The following ZNF148 variants were observed in gnomAD, a reference collection of about 807,000 sequenced individuals.
ZNF148 encodes the protein zinc finger protein 148.
ZNF148 carries 7 observed loss-of-function variants against 67.7 expected under a neutral mutation model. The ratio of observed to expected loss-of-function variants is 0.10; its 90% CI spans 0.06 to 0.19. The LOEUF (loss-of-function observed/expected upper bound fraction) is 0.19. Ranked by LOEUF, ZNF148 falls within the 10% of genes least tolerant of loss-of-function variation. ZNF148 has a pLI of 1.00. For missense variants in ZNF148, 583 were observed against 947.1 expected (o/e 0.62, Z 5.05); for synonymous variants, 333 against 330.7 (o/e 1.01, Z -0.08).
chr3:125,374,723 G>A (rs1042661916), intron 1 of ZNF148, among the ~76,000 whole-genome samples: 7 of 152,036 alleles, frequency 4.6e-5, no homozygotes, highest in African/African-American at 1.7e-4. Flanking sequence ...ACCAGGCACG[G>A]TGGACAGAGC....
At chr3:125,328,306 C>T (rs913121331) in intron 2 of ZNF148, among the ~76,000 whole-genome samples, 1 of 151,972 alleles carries the variant, frequency 6.6e-6, no homozygotes, top group Admixed American at 6.6e-5. Flanking sequence ...GATGAGATTA[C>T]TATATTCAAC....
At chr3:125,311,954 T>C (rs1485556338) in intron 4 of ZNF148, among the ~76,000 whole-genome samples, 1 of 152,134 alleles carries the variant, frequency 6.6e-6, no homozygotes, top group Non-Finnish European at 1.5e-5. Flanking sequence ...CAACAATAAC[T>C]TTCCAAAACA....
Position 125,225,670 on chromosome 3 carries a change from TCAA to T in ZNF148, c.*6668_*6670del, listed in dbSNP as rs1159854730. On this transcript the variant is annotated 3_prime_UTR_variant, in exon 9 of 9. Transcript: ENST00000360647. ...TAAGACTCAATGACAACACATTAAT[TCAA>T]GTGACTTCAATTTTTTATTTTTTCT... is the stretch of plus-strand genomic sequence containing the variant. The T allele has an allele frequency of 6.6e-6, 1 of 152,208 alleles. No homozygotes were observed. The highest frequency in any genetic ancestry group is 1.5e-5 in the Non-Finnish European group (1 of 68,046). The allele number at this position is 152,208 out of a possible 1,614,324, so 9.4% of individuals were successfully genotyped here.
At chr3:125,234,010 A>G in intron 8 of ZNF148, 71 bp from the exon 9 acceptor site, 3 of 1,497,038 alleles carry the variant, frequency 2.0e-6, no homozygotes, top group Non-Finnish European at 2.7e-6. Context: ...AAGTGAAACA[A>G]AACAATTAAT....
chr3:125,268,237 C>CAAAAAA, intron 7 of ZNF148, among the ~76,000 whole-genome samples: 2 of 136,646 alleles, frequency 1.5e-5, no homozygotes, highest in African/African-American at 5.4e-5. Flanking sequence ...TATATAGAAC[C>CAAAAAA]AAAAAAAAAA....
At chr3:125,349,706 T>C (rs1017674054) in intron 1 of ZNF148, among the ~76,000 whole-genome samples, 1 of 152,226 alleles carries the variant, frequency 6.6e-6, no homozygotes, top group South Asian at 2.1e-4. Flanking sequence ...CCAGATGTGG[T>C]GGTTTACACC....
intron 1 of ZNF148, among the ~76,000 whole-genome samples, chr3:125,353,062 A>C (rs541943770): frequency 6.6e-5 from 10 of 152,272 alleles, no homozygotes; most frequent in African/African-American, 2.2e-4. Context: ...CTTTTATCTC[A>C]AAGAAAGGAA....
intron 1 of ZNF148, among the ~76,000 whole-genome samples, chr3:125,356,635 A>T (rs1380506419): frequency 6.6e-6 from 1 of 152,200 alleles, no homozygotes; most frequent in Non-Finnish European, 1.5e-5. Flanking sequence ...TAATCACACC[A>T]TGCCTAATTT....
chr3:125,373,505 A>G lies in ZNF148; in HGVS notation c.-234+1597T>C, dbSNP rs543649802. ...GGTCTGGTGTGAGCTCAGCAAATCCAGAGAGAGCTTGGTTCATTTCCTGAC... is the reference window on the plus strand; with the variant it reads ...GGTCTGGTGTGAGCTCAGCAAATCCGGAGAGAGCTTGGTTCATTTCCTGAC... On this transcript the variant is annotated intron_variant, in intron 1 of 8. Coordinates refer to ENST00000360647, the MANE Select transcript of ZNF148 (RefSeq NM_021964.3). 1.2e-4 allele frequency among the ~76,000 whole-genome samples: 19 copies of G among 152,186 alleles called. No individual in the cohort carries two copies. In the South Asian group the frequency reaches 3.9e-3, roughly 32 times the overall value.
intron 7 of ZNF148, among the ~76,000 whole-genome samples, chr3:125,263,185 T>A (rs4679163): frequency 7.2e-5 from 11 of 152,248 alleles, no homozygotes; most frequent in African/African-American, 2.6e-4. Context: ...TGCACAGAGA[T>A]GAATTCTTTA....
At chr3:125,236,544 G>A (rs1194288693) in intron 7 of ZNF148, among the ~76,000 whole-genome samples, 5 of 152,100 alleles carry the variant, frequency 3.3e-5, no homozygotes, top group African/African-American at 9.7e-5. Context: ...GGGGTGGGGA[G>A]GGAAATAACA....
rs559314154 is a variant in ZNF148 at position 125,327,967 on chromosome 3, A to T, written c.-153+3191T>A. On this transcript the variant is annotated intron_variant, in intron 2 of 8. Transcript: ENST00000360647. ...TACTCATTCTTCCATACAGTTTCAA[A>T]TTTTTTTTTAAGTAATATGCTCTCA... 3.0e-3 allele frequency among the ~76,000 whole-genome samples: 459 copies of T among 151,562 alleles called. 1 individual carries two copies. The highest frequency in any genetic ancestry group is 0.011 in the African/African-American group (441 of 41,420).
At chr3:125,361,281 T>C (rs1942530258) in intron 1 of ZNF148, among the ~76,000 whole-genome samples, 1 of 152,028 alleles carries the variant, frequency 6.6e-6, no homozygotes, top group Non-Finnish European at 1.5e-5. Flanking sequence ...CTCCCTGTTA[T>C]CCTATCACTA....
At chr3:125,369,508 T>A (rs1942812071) in intron 1 of ZNF148, among the ~76,000 whole-genome samples, 1 of 149,598 alleles carries the variant, frequency 6.7e-6, no homozygotes. Context: ...AGATACTCAA[T>A]AAATAGGTAA....
At chr3:125,272,574 C>CA (rs994557826) in intron 7 of ZNF148, among the ~76,000 whole-genome samples, 2 of 151,260 alleles carry the variant, frequency 1.3e-5, no homozygotes, top group Non-Finnish European at 1.5e-5. Context: ...TCCTCCTAAA[C>CA]AAAAAAAATT....
chr3:125,303,480 C>A (rs1939708911), intron 4 of ZNF148, among the ~76,000 whole-genome samples: 1 of 152,176 alleles, frequency 6.6e-6, no homozygotes, highest in East Asian at 1.9e-4. Context: ...CTGAGCTCTG[C>A]CTCCTGTTAG....
intron 1 of ZNF148, among the ~76,000 whole-genome samples, chr3:125,339,075 T>C (rs980446689): frequency 3.9e-5 from 6 of 152,188 alleles, no homozygotes; most frequent in African/African-American, 9.7e-5. Context: ...GGAGTCTCAC[T>C]ACATTTCCCC....
At chr3:125,297,773 A>G (rs2107643122) in intron 4 of ZNF148, among the ~76,000 whole-genome samples, 1 of 152,314 alleles carries the variant, frequency 6.6e-6, no homozygotes, top group Non-Finnish European at 1.5e-5. Context: ...ATATAGAGCA[A>G]TTATTATAAA....
intron 5 of ZNF148, among the ~76,000 whole-genome samples, chr3:125,281,561 A>G (rs573497758): frequency 6.6e-6 from 1 of 152,310 alleles, no homozygotes; most frequent in South Asian, 2.1e-4. Context: ...CTTTGTAAAG[A>G]ACAAATCTGG....
Sources: gnomAD v4.1 joint callset for allele counts (sites outside exome capture counted in the v4.1 genomes callset) on GRCh38, gnomAD v4.1.1 for gene constraint, MANE v1.5 for transcripts, NCBI Gene and HGNC (gene_info 2026-07-23, HGNC 2026-07-21) for gene names.